Variants in NBPF26 observed in about 807,000 individuals in gnomAD.
NBPF26 encodes NBPF member 26.
Under a neutral mutation model 119.6 loss-of-function variants are expected in NBPF26, and 79 were observed. The ratio of observed to expected loss-of-function variants is 0.66; its 90% confidence interval spans 0.55 to 0.80. The LOEUF (loss-of-function observed/expected upper bound fraction) is 0.80. Ranked by LOEUF, NBPF26 falls within the 30% of genes least tolerant of loss-of-function variation. The pLI, the probability that NBPF26 is intolerant of heterozygous loss-of-function variation, is 0.00. For missense variants in NBPF26, 800 were observed against 1,198.2 expected, an observed-to-expected ratio of 0.67 and a Z score of 4.91; for synonymous variants, 299 against 457.7, an observed-to-expected ratio of 0.65 and a Z score of 4.43.
chr1:120,784,742 A>G (rs1187279122), intron 2 of NBPF26, among the ~76,000 whole-genome samples: 1 of 118,148 alleles, frequency 8.5e-6, no homozygotes, highest in East Asian at 2.1e-4. Flanking sequence ...ATTAGAATGT[A>G]AACTCCAAGA....
At position 120,784,875 on chromosome 1, in the gene NBPF26, A is replaced by T. The variant is rs1214190500; in HGVS notation, c.156-99A>T. On this transcript the variant is annotated intron_variant, in intron 2 of 29. Transcript: ENST00000620612. ...GGTACTTGTAGGTCTGTTGATTCACAATCTCGTGCTTTCTTGATTGGACTG... is the reference window on the plus strand; with the variant it reads ...GGTACTTGTAGGTCTGTTGATTCACTATCTCGTGCTTTCTTGATTGGACTG... 3 of 1,045,250 alleles carry T rather than the reference A, an allele frequency of 2.9e-6. 1 individual carries two copies. The highest frequency in any genetic ancestry group is 4.1e-6 in the Non-Finnish European group (3 of 735,954). 64.7% of individuals were successfully genotyped at this position (1,045,250 alleles called of 1,614,324 possible). A position where few individuals can be genotyped will look rare whatever the true frequency, so the allele number is the denominator to read the frequency against.
intron 2 of NBPF26, among the ~76,000 whole-genome samples, chr1:120,778,106 C>A (rs1651319394): frequency 1.2e-5 from 1 of 84,514 alleles, no homozygotes; most frequent in African/African-American, 9.5e-5. Context: ...AGTAGGGGGG[C>A]AGGAAACTAA....
At chr1:120,789,965 T>C (rs1651465188) in intron 3 of NBPF26, among the ~76,000 whole-genome samples, 1 of 88,820 alleles carries the variant, frequency 1.1e-5, no homozygotes, top group Non-Finnish European at 2.0e-5. Flanking sequence ...TTCCTTGTTG[T>C]TAAGAAGGAT....
chr1:120,735,309 C>T (rs1317366601), intron 1 of NBPF26, among the ~76,000 whole-genome samples: 2 of 69,894 alleles, frequency 2.9e-5, no homozygotes, highest in Non-Finnish European at 4.9e-5. Context: ...AGTTGATCTG[C>T]CCGCCTCAGC....
Position 120,811,120 on chromosome 1 carries a change from T to C in NBPF26, c.1564+562T>C, listed in dbSNP as rs1193845433. Among the ~76,000 whole-genome samples the C allele has an allele frequency of 4.5e-4, 46 of 102,780 alleles. 7 individuals carry two copies. Among genetic ancestry groups the C allele is most frequent in the Non-Finnish European group, 7.0e-4 (38 of 54,652 alleles). 67.4% of individuals were successfully genotyped at this position (102,780 alleles called of 152,430 possible). On this transcript the variant is annotated intron_variant, in intron 9 of 29. Transcript: ENST00000620612. Reference sequence around the variant, plus strand: ...AAAATTAGCTGGGTGTGGTGGTGGGTGCCTGTAGTCCCAGCTACTCAGGAG... The same window carrying C: ...AAAATTAGCTGGGTGTGGTGGTGGGCGCCTGTAGTCCCAGCTACTCAGGAG...
Position 120,755,857 on chromosome 1 carries a change from A to T in NBPF26, c.74-7771A>T, listed in dbSNP as rs1239095389. Among the ~76,000 whole-genome samples, 5 of 80,822 alleles carry T rather than the reference A, an allele frequency of 6.2e-5. 1 individual carries two copies. The highest frequency in any genetic ancestry group is 1.1e-4 in the Non-Finnish European group (5 of 46,368). 53.0% of individuals were successfully genotyped at this position (80,822 alleles called of 152,430 possible). ...CTCTTAGGTAGAAAACACACTTTCT[A>T]TATGATAATATCTGTAAAGAGCACA... On this transcript the variant is annotated intron_variant, in intron 1 of 29. Transcript: ENST00000620612.
At chr1:120,840,447 G>C in exon 30 of NBPF26, 1 of 1,475,588 alleles carries the variant, frequency 6.8e-7, no homozygotes, top group Non-Finnish European at 9.2e-7. Flanking sequence ...TGAACTACCT[G>C]ACTCATTCCA....
In NBPF26 at chr1:120,728,819, T is replaced by A. The variant is rs1464636648; in HGVS notation, c.73+4569T>A. ...TTTAGTAAAGTATATTTGCTTTTTT[T>A]TTTTTTGAACCAAGAGAGTCCCCTG... On this transcript the variant is annotated intron_variant, in intron 1 of 29. Coordinates refer to ENST00000620612, the Ensembl canonical transcript of NBPF26. Among the ~76,000 whole-genome samples the A allele has an allele frequency of 1.7e-5, 2 of 114,952 alleles. 1 individual carries two copies. Among genetic ancestry groups the A allele is most frequent in the Non-Finnish European group, 3.3e-5 (2 of 60,294 alleles). 75.4% of individuals were successfully genotyped at this position (114,952 alleles called of 152,430 possible). A position where few individuals can be genotyped will look rare whatever the true frequency, so the allele number is the denominator to read the frequency against.
At position 120,811,472 on chromosome 1, in the gene NBPF26, G is replaced by A. The variant is rs1348094811; in HGVS notation, c.1565-414G>A. 1.8e-5 allele frequency among the ~76,000 whole-genome samples: 2 copies of A among 112,370 alleles called. 1 individual carries two copies. Among genetic ancestry groups the A allele is most frequent in the African/African-American group, 1.0e-4 (2 of 19,326 alleles). 73.7% of individuals were successfully genotyped at this position (112,370 alleles called of 152,430 possible). A position where few individuals can be genotyped will look rare whatever the true frequency, so the allele number is the denominator to read the frequency against. ...AGGGATGAGAATCACTTGAACCCGG[G>A]CGGCAGAGGTGGCAGTGAGCTGAGA... On this transcript the variant is annotated intron_variant, in intron 9 of 29. Coordinates refer to ENST00000620612, the Ensembl canonical transcript of NBPF26.
rs1651885554 is a variant in NBPF26, at chr1:120,812,189, A to T, written c.1774+94A>T. On this transcript the variant is annotated intron_variant, in intron 10 of 29. Transcript: ENST00000620612. ...TGCTCTCTCCATCAAAAATAATGTC[A>T]TCCTCCCCGTACTTCTAGGAAAACA... 1.1e-5 allele frequency: 10 copies of T among 891,122 alleles called. 1 individual carries two copies. In the South Asian group the frequency reaches 1.1e-4, roughly 10 times the overall value. 55.2% of individuals were successfully genotyped at this position (891,122 alleles called of 1,614,324 possible). A position where few individuals can be genotyped will look rare whatever the true frequency, so the allele number is the denominator to read the frequency against.
rs1284282548 is a variant in NBPF26 at position 120,770,269 on chromosome 1, A to C, written c.155+6560A>C. ...ACTGCAAGCTCCGCCTCCCGGGTTC[A>C]TGCCATTCTCCTGCCTCAGCCTCTC... On this transcript the variant is annotated intron_variant, in intron 2 of 29. Transcript: ENST00000620612. Among the ~76,000 whole-genome samples, 5 of 105,850 alleles carry C rather than the reference A, an allele frequency of 4.7e-5. 1 individual carries two copies. The highest frequency in any genetic ancestry group is 7.0e-5 in the Non-Finnish European group (4 of 56,896). The allele number at this position is 105,850 out of a possible 152,430, so 69.4% of individuals were successfully genotyped here. A position where few individuals can be genotyped will look rare whatever the true frequency, so the allele number is the denominator to read the frequency against.
rs1422332430 is a variant in NBPF26 at position 120,790,513 on chromosome 1, ATTCT to A, written c.416-2635_416-2632del. Among the ~76,000 whole-genome samples, 76 of 112,422 alleles carry A rather than the reference ATTCT, an allele frequency of 6.8e-4. 16 individuals are homozygous for A. Among genetic ancestry groups the A allele is most frequent in the Non-Finnish European group, 9.6e-4 (57 of 59,174 alleles). 73.8% of individuals were successfully genotyped at this position (112,422 alleles called of 152,430 possible). On this transcript the variant is annotated intron_variant, in intron 3 of 29. Transcript: ENST00000620612. ...TATATGGAAACCAAATTCAGGGTTG[ATTCT>A]TTCTTTCTTTCTCCCTCCCTTTCTT...
chr1:120,822,031 C>T (rs1652128284), intron 15 of NBPF26, 73 bp from the exon 16 acceptor site: 1 of 1,438,380 alleles, frequency 7.0e-7, no homozygotes, highest in African/African-American at 2.5e-5. Flanking sequence ...CCCATCAGAT[C>T]ATCTGGGAGG....
At position 120,793,180 on chromosome 1, in the gene NBPF26, C is replaced by T. The variant is rs1249385152; in HGVS notation, c.435C>T (p.Thr145=). 63 of 1,438,372 alleles carry T rather than the reference C, an allele frequency of 4.4e-5. 9 individuals carry two copies. In the South Asian group the frequency reaches 4.5e-4, roughly 10 times the overall value. 89.1% of individuals were successfully genotyped at this position (1,438,372 alleles called of 1,614,324 possible). ...CTTTAGGTAAGGAGTGCCAATGGAC[C>T]GATGCCTGCCTGTCTCATCTCTGTG... Residue 145 remains threonine, a synonymous_variant, in exon 4 of 30, where the codon ACC becomes ACT. Transcript: ENST00000620612.
chr1:120,805,711 A>G lies in NBPF26; in HGVS notation c.907A>G (p.Lys303Glu). ...ACAGCAGTTGAGAAACCTCAAAGAG[A>G]AATGTTTTCTAACTCAACTGGCCGG... Residue 303 changes from lysine (K) to glutamate (E), a missense_variant, in exon 5 of 30, where the codon AAA (lysine) becomes GAA (glutamate). Coordinates refer to ENST00000620612, the Ensembl canonical transcript of NBPF26. The G allele has an allele frequency of 2.8e-6, 4 of 1,454,086 alleles. 1 individual carries two copies. The Admixed American group carries it at 7.3e-5, about 27-fold the overall frequency. The allele number at this position is 1,454,086 out of a possible 1,614,324, so 90.1% of individuals were successfully genotyped here. A position where few individuals can be genotyped will look rare whatever the true frequency, so the allele number is the denominator to read the frequency against.
intron 1 of NBPF26, 23 bp downstream of exon 1, chr1:120,724,273 C>T: frequency 7.2e-7 from 1 of 1,382,544 alleles, no homozygotes; most frequent in Non-Finnish European, 9.5e-7. Flanking sequence ...CTGAGGGGCG[C>T]TGTCCGCGGC....
In NBPF26 at chr1:120,840,270, A is replaced by G; in HGVS notation, c.4104-80A>G. The G allele has an allele frequency of 2.1e-6, 3 of 1,437,344 alleles. 1 individual carries two copies. Among genetic ancestry groups the G allele is most frequent in the Admixed American group, 4.0e-5 (2 of 50,200 alleles). 89.0% of individuals were successfully genotyped at this position (1,437,344 alleles called of 1,614,324 possible). On this transcript the variant is annotated intron_variant, in intron 29 of 29. Transcript: ENST00000620612. ...CTTTTTCTTTTCTAACCACTTCCTT[A>G]TGTTACTTCTGAAATCTAGTGGGGC...
Position 120,823,823 on chromosome 1 carries a change from T to A in NBPF26, c.2640-151T>A, listed in dbSNP as rs1157207856. The A allele has an allele frequency of 2.1e-5, 12 of 575,412 alleles. 2 individuals carry two copies. The Admixed American group carries it at 2.7e-4, about 13-fold the overall frequency. The allele number at this position is 575,412 out of a possible 1,614,324, so 35.6% of individuals were successfully genotyped here. Reference sequence around the variant, plus strand: ...TCTTTTTCTACCTGGCCCTGTTCTATCCCAACATAAAGGCAATAATCTGTT... The same window carrying A: ...TCTTTTTCTACCTGGCCCTGTTCTAACCCAACATAAAGGCAATAATCTGTT... On this transcript the variant is annotated intron_variant, in intron 17 of 29. Coordinates refer to ENST00000620612, the Ensembl canonical transcript of NBPF26.
chr1:120,751,600 T>A lies in NBPF26; in HGVS notation c.74-12028T>A, dbSNP rs1651021756. On this transcript the variant is annotated intron_variant, in intron 1 of 29. Coordinates refer to ENST00000620612, the Ensembl canonical transcript of NBPF26. ...TAGGCCAGGGCATCTGCTCGTTCGC[T>A]CGCTCGCTTGCTCTTTCTCTCTTCC... is the stretch of plus-strand genomic sequence containing the variant. 3.5e-5 allele frequency among the ~76,000 whole-genome samples: 2 copies of A among 57,202 alleles called. 1 individual carries two copies. The highest frequency in any genetic ancestry group is 8.1e-5 in the Non-Finnish European group (2 of 24,796). 37.5% of individuals were successfully genotyped at this position (57,202 alleles called of 152,430 possible).
Sources: gnomAD v4.1 joint callset for allele counts (sites outside exome capture counted in the v4.1 genomes callset) on GRCh38, gnomAD v4.1.1 for gene constraint, MANE v1.5 for transcripts, NCBI Gene and HGNC (gene_info 2026-07-23, HGNC 2026-07-21) for gene names.